The following ABTB3 variants were observed in gnomAD, a reference collection of about 807,000 sequenced individuals.
ABTB3 encodes ankyrin repeat and BTB domain containing 3, also known as ankyrin repeat- and BTB/POZ domain-containing protein 3.
chr12:107,550,736 A>T, the ABTB3 span, among the ~76,000 whole-genome samples: 1 of 151,850 alleles, frequency 6.6e-6, no homozygotes, highest in African/African-American at 2.4e-5. Flanking sequence ...GCATGCTATC[A>T]TGCCCAACTA....
chr12:107,657,531 C>T, the ABTB3 span: 15 of 1,614,084 alleles, frequency 9.3e-6, no homozygotes, highest in Non-Finnish European at 1.3e-5. Flanking sequence ...ACAGAGCTCT[C>T]AGCATATTGC....
At chr12:107,552,430 A>C in the ABTB3 span, among the ~76,000 whole-genome samples, 1 of 152,262 alleles carries the variant, frequency 6.6e-6, no homozygotes. Context: ...AGCGATAAGC[A>C]CTATGACTAT....
the ABTB3 span, among the ~76,000 whole-genome samples, chr12:107,343,919 T>G: frequency 6.6e-6 from 1 of 152,086 alleles, no homozygotes; most frequent in African/African-American, 2.4e-5. Flanking sequence ...TCCAATCACC[T>G]CCCAACAGGT....
At chr12:107,372,236 G>A in the ABTB3 span, among the ~76,000 whole-genome samples, 1 of 152,150 alleles carries the variant, frequency 6.6e-6, no homozygotes, top group African/African-American at 2.4e-5. Context: ...GGACAGTGTT[G>A]AAATTGTACT....
At chr12:107,586,534 C>T in the ABTB3 span, among the ~76,000 whole-genome samples, 1 of 152,188 alleles carries the variant, frequency 6.6e-6, no homozygotes, top group Admixed American at 6.5e-5. Context: ...GCAGACATCA[C>T]ACTCCATGCC....
the ABTB3 span, chr12:107,319,472 T>C: frequency 6.2e-7 from 1 of 1,603,234 alleles, no homozygotes; most frequent in Non-Finnish European, 8.5e-7. Context: ...GGCCGCGCAC[T>C]GTACGGCGGC....
the ABTB3 span, among the ~76,000 whole-genome samples, chr12:107,630,200 G>A: frequency 1.7e-4 from 26 of 152,200 alleles, no homozygotes; most frequent in Admixed American, 1.2e-3. Flanking sequence ...CCACCACGGC[G>A]TAGCACCCTA....
chr12:107,594,270 GC>G, the ABTB3 span, among the ~76,000 whole-genome samples: 1 of 152,148 alleles, frequency 6.6e-6, no homozygotes, highest in Non-Finnish European at 1.5e-5. Context: ...TTGCGCCCTT[GC>G]TTTTGAAATA....
chr12:107,464,859 G>T, the ABTB3 span, among the ~76,000 whole-genome samples: 2 of 152,114 alleles, frequency 1.3e-5, no homozygotes, highest in African/African-American at 2.4e-5. Flanking sequence ...TGGCATAGCT[G>T]GGGAGAGAGG....
chr12:107,545,831 T>C, the ABTB3 span, among the ~76,000 whole-genome samples: 1 of 151,974 alleles, frequency 6.6e-6, no homozygotes, highest in Non-Finnish European at 1.5e-5. Flanking sequence ...GCCTATGGAG[T>C]GTCTAGCTCT....
chr12:107,474,189 G>T, the ABTB3 span, among the ~76,000 whole-genome samples: 1 of 152,102 alleles, frequency 6.6e-6, no homozygotes, highest in Non-Finnish European at 1.5e-5. Context: ...ATCTGGGAGC[G>T]GAATGGCTGA....
chr12:107,388,908 T>C, the ABTB3 span, among the ~76,000 whole-genome samples: 14 of 152,242 alleles, frequency 9.2e-5, 2 homozygotes, highest in African/African-American at 2.9e-4. Context: ...CATGGATACA[T>C]TAATTTAACA....
the ABTB3 span, among the ~76,000 whole-genome samples, chr12:107,329,132 C>A: frequency 6.6e-6 from 1 of 152,178 alleles, no homozygotes; most frequent in Non-Finnish European, 1.5e-5. Context: ...GGCCCTCTGA[C>A]AAGTAGAACT....
chr12:107,388,676 G>C, the ABTB3 span, among the ~76,000 whole-genome samples: 1 of 152,128 alleles, frequency 6.6e-6, no homozygotes, highest in African/African-American at 2.4e-5. Flanking sequence ...CCATGCAGGG[G>C]CCTGGCAAGT....
chr12:107,543,398 A>G, the ABTB3 span, among the ~76,000 whole-genome samples: 1 of 152,044 alleles, frequency 6.6e-6, no homozygotes, highest in South Asian at 2.1e-4. Context: ...TAACCCAAGT[A>G]AGGGCAGGGT....
chr12:107,559,594 A>G, the ABTB3 span, among the ~76,000 whole-genome samples: 1 of 152,206 alleles, frequency 6.6e-6, no homozygotes, highest in African/African-American at 2.4e-5. Context: ...AAATAGTGAT[A>G]TTGACAGCTG....
chr12:107,624,549 T>C, the ABTB3 span, among the ~76,000 whole-genome samples: 1 of 152,200 alleles, frequency 6.6e-6, no homozygotes, highest in Non-Finnish European at 1.5e-5. Flanking sequence ...TCTAATTTTG[T>C]CATTTAAAGA....
chr12:107,484,016 C>T, the ABTB3 span, among the ~76,000 whole-genome samples: 4 of 152,150 alleles, frequency 2.6e-5, no homozygotes, highest in East Asian at 3.9e-4. Flanking sequence ...TAATCCATTC[C>T]AATCCACGAA....
chr12:107,552,814 C>G, the ABTB3 span, among the ~76,000 whole-genome samples: 1 of 152,190 alleles, frequency 6.6e-6, no homozygotes, highest in Non-Finnish European at 1.5e-5. Flanking sequence ...TAAGTTCATA[C>G]TTCAAGATCC....
Sources: allele counts gnomAD v4.1 joint callset (sites outside exome capture counted in the v4.1 genomes callset), GRCh38; gene constraint gnomAD v4.1.1; transcripts MANE v1.5; gene names NCBI Gene and HGNC (gene_info 2026-07-23, HGNC 2026-07-21).